Variants in WBP2NL observed in about 807,000 individuals in gnomAD.
The protein encoded by WBP2NL is WBP2 N-terminal like, also known as postacrosomal sheath WW domain-binding protein.
WBP2NL carries 27 observed loss-of-function variants against 23.3 expected under a neutral mutation model. The ratio of observed to expected loss-of-function variants is 1.16; its 90% CI spans 0.85 to 1.60. WBP2NL has a LOEUF of 1.60. WBP2NL is among the 40% of genes most tolerant of loss of function. WBP2NL has a pLI of 0.00. For synonymous variants in WBP2NL, 151 were observed against 145.9 expected, an observed-to-expected ratio of 1.03 and a Z score of -0.25; for missense variants, 370 against 389.5, an observed-to-expected ratio of 0.95 and a Z score of 0.42.
downstream of WBP2NL, among the ~76,000 whole-genome samples, chr22:42,029,051 A>C (rs1924746592): frequency 6.6e-6 from 1 of 152,220 alleles, no homozygotes; most frequent in South Asian, 2.1e-4. Flanking sequence ...CAGCCCCTTC[A>C]GAGCTCACCA....
intron 5 of WBP2NL, among the ~76,000 whole-genome samples, chr22:42,024,777 G>GT (rs1924323435): frequency 6.8e-6 from 1 of 148,028 alleles, no homozygotes; most frequent in Non-Finnish European, 1.5e-5. Context: ...ATATTTTTAG[G>GT]TTTTCTTTCA....
rs545368316 is a variant in WBP2NL at position 42,045,961 on chromosome 22, G to A, written c.*274-12329G>A. On this transcript the variant is annotated intron_variant and NMD_transcript_variant, in intron 8 of 8. Transcript: ENST00000436265. ...TAGACACATGCTGTCAAGTGAAGTA[G>A]TTTTATAGGTATGGGTTTTTTCTCC... Among the ~76,000 whole-genome samples the A allele has an allele frequency of 2.6e-5, 4 of 152,366 alleles. No individual in the cohort carries two copies. In the East Asian group the frequency reaches 7.7e-4, roughly 29 times the overall value.
rs1283189500 is a variant in WBP2NL at position 42,017,832 on chromosome 22, T to G, written c.63-1479T>G. Among the ~76,000 whole-genome samples, 3 of 151,696 alleles carry G rather than the reference T, an allele frequency of 2.0e-5. No individual in the cohort carries two copies. In the East Asian group the frequency reaches 5.9e-4, roughly 30 times the overall value. On this transcript the variant is annotated intron_variant, in intron 1 of 5. Transcript: ENST00000328823. ...TTTGAGACCATCCTGGGCAACATGG[T>G]GAAACCTCATCTCTACTAAAAATAC...
chr22:42,026,538 C>T (rs759419403), intron 5 of WBP2NL, among the ~76,000 whole-genome samples: 14 of 151,970 alleles, frequency 9.2e-5, no homozygotes, highest in East Asian at 5.8e-4. Context: ...GTATAAGTAA[C>T]GCACCGATCT....
At chr22:42,015,612 AG>A (rs1923237052) in intron 1 of WBP2NL, among the ~76,000 whole-genome samples, 1 of 152,264 alleles carries the variant, frequency 6.6e-6, no homozygotes, top group African/African-American at 2.4e-5. Flanking sequence ...CATGTTGGCC[AG>A]GCTGGTCTTG....
At chr22:42,011,438 A>G (rs918616624) in intron 1 of WBP2NL, among the ~76,000 whole-genome samples, 4 of 151,918 alleles carry the variant, frequency 2.6e-5, no homozygotes, top group Non-Finnish European at 5.9e-5. Context: ...TATATTTTGT[A>G]GAGATGAGGT....
intron 4 of WBP2NL, among the ~76,000 whole-genome samples, chr22:42,021,640 G>A (rs1015954605): frequency 6.6e-6 from 1 of 152,092 alleles, no homozygotes; most frequent in Non-Finnish European, 1.5e-5. Flanking sequence ...TACCAACTTG[G>A]TAGAATCCTC....
chr22:42,036,485 T>C (rs2146812994), downstream of WBP2NL, among the ~76,000 whole-genome samples: 1 of 152,368 alleles, frequency 6.6e-6, no homozygotes, highest in African/African-American at 2.4e-5. Flanking sequence ...TGTGTTCTAT[T>C]TTTAATTTTT....
intron 5 of WBP2NL, among the ~76,000 whole-genome samples, chr22:42,024,631 T>C (rs1162257308): frequency 6.6e-6 from 1 of 152,192 alleles, no homozygotes; most frequent in Non-Finnish European, 1.5e-5. Context: ...TTATATACCT[T>C]AATTGGAGAA....
At position 42,027,762 on chromosome 22, in the gene WBP2NL, A is replaced by G. The variant is rs2146803534; in HGVS notation, c.*581A>G. 7.7e-6 allele frequency: 3 copies of G among 389,274 alleles called. No homozygotes were observed. The highest frequency in any genetic ancestry group is 3.7e-5 in the East Asian group (1 of 27,378). 24.1% of individuals were successfully genotyped at this position (389,274 alleles called of 1,614,324 possible). A position where few individuals can be genotyped will look rare whatever the true frequency, so the allele number is the denominator to read the frequency against. On this transcript the variant is annotated 3_prime_UTR_variant, in exon 6 of 6. Transcript: ENST00000328823. ...CTATATCAAAATTTAAAACTTCTCT[A>G]TGACAGAAGTTAAAAGATAGGCAAC...
chr22:42,049,705 C>CAAAAA (rs1158837575), intron 8 of WBP2NL, among the ~76,000 whole-genome samples: 439 of 37,364 alleles, frequency 0.012, 1 homozygote, highest in Non-Finnish European at 0.018. Context: ...CAAAACAAAA[C>CAAAAA]AAAAAAAAAA....
At chr22:42,049,723 A>C (rs1039368595) in intron 8 of WBP2NL, among the ~76,000 whole-genome samples, 1 of 148,128 alleles carries the variant, frequency 6.8e-6, no homozygotes, top group African/African-American at 2.6e-5. Flanking sequence ...AAAAAAAAAA[A>C]AAAAAAAATA....
At chr22:42,044,929 T>G (rs1292619101) in intron 8 of WBP2NL, among the ~76,000 whole-genome samples, 1 of 151,968 alleles carries the variant, frequency 6.6e-6, no homozygotes, top group Non-Finnish European at 1.5e-5. Context: ...TCGTCCTGCC[T>G]CAGCCTCCTG....
chr22:42,015,727 A>G (rs1052189511), intron 1 of WBP2NL, among the ~76,000 whole-genome samples: 5 of 151,984 alleles, frequency 3.3e-5, no homozygotes, highest in African/African-American at 7.2e-5. Context: ...CTAATTGTCA[A>G]TCAGAGGTGA....
At chr22:42,009,846 GTGTTGT>G (rs1449670502) in intron 1 of WBP2NL, among the ~76,000 whole-genome samples, 1 of 152,160 alleles carries the variant, frequency 6.6e-6, no homozygotes, top group Non-Finnish European at 1.5e-5. Flanking sequence ...TGTGCAAAAA[GTGTTGT>G]TGAGATTTGG....
Position 42,041,777 on chromosome 22 carries a change from C to A in WBP2NL, c.*273+10954C>A, listed in dbSNP as rs1206901123. On this transcript the variant is annotated intron_variant and NMD_transcript_variant, in intron 8 of 8. Transcript: ENST00000436265. The stretch of plus-strand genomic sequence containing the variant: ...ATTATTTTGTATTTGACTATATTTA[C>A]CTTTGCCTGTGAGATTTATGCTTTC... Among the ~76,000 whole-genome samples the A allele has an allele frequency of 2.6e-5, 4 of 152,118 alleles. No homozygotes were observed. The East Asian group carries it at 7.7e-4, about 29-fold the overall frequency.
intron 1 of WBP2NL, among the ~76,000 whole-genome samples, chr22:42,018,002 T>C (rs1441995563): frequency 2.6e-5 from 4 of 151,584 alleles, no homozygotes; most frequent in Non-Finnish European, 5.9e-5. Flanking sequence ...ATACAAAAAT[T>C]AGCCTGGCAT....
At position 42,026,229 on chromosome 22, in the gene WBP2NL, G is replaced by A. The variant is rs528497428; in HGVS notation, c.515-537G>A. 2.5e-3 allele frequency among the ~76,000 whole-genome samples: 377 copies of A among 150,926 alleles called. 1 individual carries two copies. Among genetic ancestry groups the A allele is most frequent in the African/African-American group, 7.9e-3 (327 of 41,192 alleles). On this transcript the variant is annotated intron_variant, in intron 5 of 5. Coordinates refer to ENST00000328823, the MANE Select transcript of WBP2NL (RefSeq NM_152613.3). ...AGAGCTTGCAGTGAGCCAAGATCGC[G>A]CCACTGCACTCCAGCCTGGGCAACA...
At chr22:42,005,490 G>A (rs1022783724) in intron 1 of WBP2NL, among the ~76,000 whole-genome samples, 1 of 145,958 alleles carries the variant, frequency 6.9e-6, no homozygotes, top group African/African-American at 2.5e-5. Context: ...TTCCAGCCTG[G>A]GTGACACTCC....
Sources: gnomAD v4.1 joint callset for allele counts (sites outside exome capture counted in the v4.1 genomes callset) on GRCh38, gnomAD v4.1.1 for gene constraint, MANE v1.5 for transcripts, NCBI Gene and HGNC (gene_info 2026-07-23, HGNC 2026-07-21) for gene names.